Variants in ZNF541 observed in about 807,000 individuals in gnomAD.
ZNF541 encodes the protein zinc finger protein 541.
ZNF541 carries 23 observed loss-of-function variants against 123.5 expected under a neutral mutation model. The ratio of observed to expected loss-of-function variants is 0.19; its 90% CI spans 0.13 to 0.26. ZNF541 has a LOEUF of 0.26. Among genes scored for constraint, ZNF541 ranks in the 10% least tolerant of loss-of-function variants. The pLI is 1.00. For synonymous variants in ZNF541, 751 were observed against 754.5 expected (o/e 1.00, Z 0.08); for missense variants, 1,612 against 1,789.9 (o/e 0.90, Z 1.79).
chr19:47,540,361 G>A, intron 6 of ZNF541, 26 bp from the exon 7 acceptor site: 1 of 1,542,074 alleles, frequency 6.5e-7, no homozygotes, highest in Non-Finnish European at 8.8e-7. Context: ...GGAAAGAAGA[G>A]TGGGAGATTA....
intron 1 of ZNF541, among the ~76,000 whole-genome samples, chr19:47,572,579 G>T (rs1971512649): frequency 6.6e-6 from 1 of 151,850 alleles, no homozygotes; most frequent in Admixed American, 6.6e-5. Flanking sequence ...TTGGAGTTTT[G>T]CTGGAAGATC....
At chr19:47,554,465 C>T (rs932956206) in intron 3 of ZNF541, among the ~76,000 whole-genome samples, 2 of 152,078 alleles carry the variant, frequency 1.3e-5, no homozygotes, top group Admixed American at 1.3e-4. Flanking sequence ...AAAAAAACCA[C>T]GAATATCTCG....
intron 9 of ZNF541, among the ~76,000 whole-genome samples, chr19:47,534,783 G>A (rs147631614): frequency 3.5e-4 from 53 of 152,184 alleles, no homozygotes; most frequent in African/African-American, 1.2e-3. Flanking sequence ...ACACCCACAC[G>A]TTTATGGTCA....
chr19:47,545,435 G>A lies in ZNF541; in HGVS notation c.1094C>T (p.Pro365Leu), dbSNP rs1370458876. 2 of 1,478,378 alleles carry A rather than the reference G, an allele frequency of 1.4e-6. No individual in the cohort carries two copies. Among genetic ancestry groups the A allele is most frequent in the African/African-American group, 1.4e-5 (1 of 70,650 alleles). 91.6% of individuals were successfully genotyped at this position (1,478,378 alleles called of 1,614,324 possible). A position where few individuals can be genotyped will look rare whatever the true frequency, so the allele number is the denominator to read the frequency against. Residue 365 changes from proline to leucine, a missense_variant, in exon 5 of 17, where the codon CCG becomes CTG. This residue lies in a region of ZNF541 where 1,080 missense variants were observed against 1,013.8 expected (regional missense o/e 1.07). Transcript: ENST00000391901. This position sits in a 1 kb window ranked among gnomAD's most constrained non-coding sequence, Gnocchi z 7.5. Reference protein sequence around the residue: ...SRAAENGAPDPPEPEPDTALL... With the variant: ...SRAAENGAPDLPEPEPDTALL... The stretch of plus-strand genomic sequence containing the variant: ...CGCGGTATCTGGCTCCGGCTCTGGC[G>A]GGTCGGGGGCGCCGTTCTCGGCGGC...
At chr19:47,550,368 AGGAAAG>A (rs1970547058) in intron 3 of ZNF541, among the ~76,000 whole-genome samples, 1 of 151,814 alleles carries the variant, frequency 6.6e-6, no homozygotes, top group Admixed American at 6.6e-5. Context: ...GAAGGAAAGA[AGGAAAG>A]AGAAAGAGAA....
At chr19:47,570,840 T>G (rs763902407) in intron 2 of ZNF541, among the ~76,000 whole-genome samples, 2 of 149,818 alleles carry the variant, frequency 1.3e-5, no homozygotes, top group Non-Finnish European at 3.0e-5. Context: ...CCCAGCTACT[T>G]GGGAGGCTGA....
chr19:47,548,241 G>A (rs1408463677), intron 4 of ZNF541, among the ~76,000 whole-genome samples: 1 of 151,466 alleles, frequency 6.6e-6, no homozygotes, highest in Non-Finnish European at 1.5e-5. Context: ...TCAGGAGTTT[G>A]AGACCAGCCT....
At chr19:47,526,068 T>C (rs1905919230) in intron 14 of ZNF541, among the ~76,000 whole-genome samples, 1 of 152,186 alleles carries the variant, frequency 6.6e-6, no homozygotes, top group Admixed American at 6.6e-5. Context: ...ACAAAATTTT[T>C]CTTTAAAAGA....
At position 47,524,402 on chromosome 19, in the gene ZNF541, A is replaced by G. The variant is rs144742497; in HGVS notation, c.3571-2408T>C. Among the ~76,000 whole-genome samples, 457 of 152,250 alleles carry G rather than the reference A, an allele frequency of 3.0e-3. 1 individual carries two copies. Among genetic ancestry groups the G allele is most frequent in the Middle Eastern group, 6.8e-3 (2 of 294 alleles). On this transcript the variant is annotated intron_variant, in intron 14 of 16. Coordinates refer to ENST00000391901, the MANE Select transcript of ZNF541 (RefSeq NM_001277075.3). ...TGAAAGGTTACCATAACTGTTTAAT[A>G]TATGTTCAAAGAGTTATGCCAGAGG...
intron 5 of ZNF541, among the ~76,000 whole-genome samples, chr19:47,541,922 T>G (rs1335654140): frequency 6.6e-6 from 1 of 152,138 alleles, no homozygotes; most frequent in Non-Finnish European, 1.5e-5. Flanking sequence ...AATTTGTACA[T>G]GGGTGAATAT....
intron 3 of ZNF541, 96 bp downstream of exon 3, chr19:47,555,454 A>T: frequency 7.6e-7 from 1 of 1,311,914 alleles, no homozygotes. Flanking sequence ...AGGAGGGAAA[A>T]ATTTTCTTAA....
intron 14 of ZNF541, among the ~76,000 whole-genome samples, chr19:47,523,481 C>T (rs1400761331): frequency 6.6e-6 from 1 of 151,308 alleles, no homozygotes; most frequent in Admixed American, 6.6e-5. Flanking sequence ...TATTCACAAA[C>T]GAGGAGTCAA....
intron 5 of ZNF541, among the ~76,000 whole-genome samples, chr19:47,543,634 C>T (rs1970176264): frequency 6.6e-6 from 1 of 150,868 alleles, no homozygotes; most frequent in Non-Finnish European, 1.5e-5. Flanking sequence ...GGGATATCCT[C>T]ATGTTGATCT....
intron 4 of ZNF541, among the ~76,000 whole-genome samples, chr19:47,548,442 C>CAAAAAAAAAACAAAAAAAA (rs1970454137): frequency 1.7e-5 from 1 of 60,360 alleles, no homozygotes. Context: ...GACTCCATCT[C>CAAAAAAAAAACAAAAAAAA]AAAAAAAAAA....
chr19:47,528,161 C>G (rs1969391234), intron 14 of ZNF541, among the ~76,000 whole-genome samples: 1 of 144,978 alleles, frequency 6.9e-6, no homozygotes, highest in African/African-American at 2.5e-5. Flanking sequence ...CTAAAAAATA[C>G]AAAATTAGCT....
intron 3 of ZNF541, among the ~76,000 whole-genome samples, chr19:47,550,346 AAAGGAAGG>A (rs879531259): frequency 6.6e-6 from 1 of 151,400 alleles, no homozygotes; most frequent in Non-Finnish European, 1.5e-5. Context: ...AAAGAGAAAG[AAAGGAAGG>A]AAGGAAGGAA....
intron 2 of ZNF541, among the ~76,000 whole-genome samples, chr19:47,566,119 G>T (rs576447718): frequency 2.6e-5 from 4 of 152,080 alleles, no homozygotes; most frequent in Non-Finnish European, 4.4e-5. Context: ...GGAGGTTGCA[G>T]TGAGCCAAGA....
In ZNF541 at chr19:47,545,050, G is replaced by A. The variant is rs553061792; in HGVS notation, c.1479C>T (p.Ser493=). ...TGGGGGCGCAGGGGTCATCTTCCCC[G>A]CTGGCCGACCTGGGGTCGCTCGGGG... ...AEAPSDPRSA[S]GEDDPCAPKK... Residue 493 remains serine (S), a synonymous_variant, in exon 5 of 17, where the codon AGC becomes AGT. Coordinates refer to ENST00000391901, the MANE Select transcript of ZNF541 (RefSeq NM_001277075.3). The surrounding 1 kb of genome is among the most constrained non-coding windows in gnomAD (Gnocchi z 7.5). 932 of 1,479,678 alleles carry A rather than the reference G, an allele frequency of 6.3e-4. 1 individual carries two copies. Among genetic ancestry groups the A allele is most frequent in the Middle Eastern group, 4.0e-3 (20 of 5,046 alleles). 91.7% of individuals were successfully genotyped at this position (1,479,678 alleles called of 1,614,324 possible).
At position 47,555,697 on chromosome 19, in the gene ZNF541, G is replaced by A. The variant is rs899869176; in HGVS notation, c.160C>T (p.Pro54Ser). Reference protein sequence around the residue: ...FLYAGLSGLDPDPSLPTPDMS... With the variant: ...FLYAGLSGLDSDPSLPTPDMS... The stretch of plus-strand genomic sequence containing the variant: ...TCAGGCGTTGGGAGGCTGGGGTCCG[G>A]GTCCAGACCACTCAGGCCAGCATAA... The change falls in exon 3 of 17, where the codon CCG (proline) becomes TCG (serine). Residue 54 changes from proline to serine, a missense_variant. Coordinates refer to ENST00000391901, the MANE Select transcript of ZNF541 (RefSeq NM_001277075.3). 3 of 1,551,726 alleles carry A rather than the reference G, an allele frequency of 1.9e-6. No homozygotes were observed. The highest frequency in any genetic ancestry group is 3.9e-5 in the Admixed American group (2 of 50,988).
Sources: allele counts gnomAD v4.1 joint callset (sites outside exome capture counted in the v4.1 genomes callset), GRCh38; gene constraint gnomAD v4.1.1; regional missense constraint gnomAD v4.1.1; non-coding constraint Gnocchi (gnomAD v3.1); transcripts MANE v1.5; gene names NCBI Gene and HGNC (gene_info 2026-07-23, HGNC 2026-07-21).